The following CSMD1 variants were observed in gnomAD, a reference collection of about 807,000 sequenced individuals.
CSMD1 encodes the protein CUB and Sushi multiple domains 1, also known as CUB and sushi domain-containing protein 1.
A neutral mutation model predicts 417.5 loss-of-function variants in CSMD1; 213 were observed. The ratio of observed to expected loss-of-function variants is 0.51; its 90% CI spans 0.46 to 0.57. CSMD1 has a LOEUF of 0.57. Ranked by LOEUF, CSMD1 falls within the 20% of genes least tolerant of loss-of-function variation. The pLI is 0.00. For synonymous variants in CSMD1, 2,862 were observed against 1,736.8 expected (o/e 1.65, Z -16.11); for missense variants, 6,923 against 4,529.7 (o/e 1.53, Z -15.17).
intron 12 of CSMD1, among the ~76,000 whole-genome samples, chr8:3,435,608 G>T (rs1814508875): frequency 6.6e-6 from 1 of 152,030 alleles, no homozygotes; most frequent in African/African-American, 2.4e-5. Flanking sequence ...CTCCAACCTA[G>T]CGACCTTGAT....
intron 12 of CSMD1, among the ~76,000 whole-genome samples, chr8:3,424,176 A>G (rs1196154589): frequency 6.6e-6 from 1 of 152,236 alleles, no homozygotes; most frequent in African/African-American, 2.4e-5. Context: ...TGATTCAATT[A>G]GAGTTTATGA....
At chr8:4,346,482 G>A (rs73660759) in intron 3 of CSMD1, among the ~76,000 whole-genome samples, 12,761 of 152,028 alleles carry the variant, frequency 0.084, 1,621 homozygotes, top group African/African-American at 0.28. Flanking sequence ...ATCCATCCCT[G>A]CTCTGATAGC....
At chr8:4,562,877 G>C (rs1175901492) in intron 2 of CSMD1, among the ~76,000 whole-genome samples, 2 of 152,058 alleles carry the variant, frequency 1.3e-5, no homozygotes, top group Non-Finnish European at 2.9e-5. Flanking sequence ...AAAAACCTTA[G>C]TAAGTAACCT....
chr8:4,921,690 G>A (rs1307734759), intron 1 of CSMD1, among the ~76,000 whole-genome samples: 1 of 152,146 alleles, frequency 6.6e-6, no homozygotes, highest in Non-Finnish European at 1.5e-5. Flanking sequence ...CGGTCTCTGT[G>A]TACAGGAATG....
At chr8:3,172,599 G>A (rs1248856920) in intron 37 of CSMD1, among the ~76,000 whole-genome samples, 1 of 152,156 alleles carries the variant, frequency 6.6e-6, no homozygotes. Flanking sequence ...CGAGACATGT[G>A]AGTGGAGTGT....
Position 3,967,081 on chromosome 8 carries a change from C to G in CSMD1, c.818+30822G>C, listed in dbSNP as rs142862395. ...TGAAATCAGACATGAGCAAGCTATT[C>G]TAACAAGGAAAGAAAGCCATGATTT... On this transcript the variant is annotated intron_variant, in intron 5 of 69. Transcript: ENST00000635120. 3.7e-3 allele frequency among the ~76,000 whole-genome samples: 556 copies of G among 152,250 alleles called. 4 individuals are homozygous for G. Among genetic ancestry groups the G allele is most frequent in the African/African-American group, 0.013 (533 of 41,542 alleles).
chr8:3,833,371 C>G (rs984669586), intron 5 of CSMD1, among the ~76,000 whole-genome samples: 1 of 152,046 alleles, frequency 6.6e-6, no homozygotes, highest in Admixed American at 6.6e-5. Flanking sequence ...CATTTCCTCA[C>G]CTCCTAAAAT....
intron 3 of CSMD1, among the ~76,000 whole-genome samples, chr8:4,250,298 G>C (rs1348599702): frequency 6.6e-6 from 1 of 152,176 alleles, no homozygotes; most frequent in Non-Finnish European, 1.5e-5. Flanking sequence ...GCTCAGCTTA[G>C]GAGTCCTGGT....
intron 1 of CSMD1, among the ~76,000 whole-genome samples, chr8:4,785,300 G>C (rs116994803): frequency 1.3e-5 from 2 of 152,316 alleles, no homozygotes; most frequent in Admixed American, 6.5e-5. Context: ...CATTGGGCAA[G>C]TTACTGGGGT....
At chr8:4,788,020 T>G in intron 1 of CSMD1, 2 of 1,589,626 alleles carry the variant, frequency 1.3e-6, no homozygotes, top group Non-Finnish European at 8.6e-7. Flanking sequence ...CTCAAAGAAG[T>G]AACTCCTGAA....
chr8:4,543,873 T>G (rs1342615318), intron 2 of CSMD1, among the ~76,000 whole-genome samples: 1 of 152,144 alleles, frequency 6.6e-6, no homozygotes, highest in Non-Finnish European at 1.5e-5. Context: ...TTGCAATTCC[T>G]TAGGGACATA....
intron 2 of CSMD1, among the ~76,000 whole-genome samples, chr8:4,631,050 C>T (rs554614650): frequency 1.3e-5 from 2 of 152,288 alleles, no homozygotes; most frequent in South Asian, 2.1e-4. Flanking sequence ...AACCAGACAT[C>T]ACTCACTAGC....
Position 4,360,072 on chromosome 8 carries a change from G to A in CSMD1, c.415+59881C>T, listed in dbSNP as rs549691434. Among the ~76,000 whole-genome samples, 4 of 152,226 alleles carry A rather than the reference G, an allele frequency of 2.6e-5. No individual in the cohort carries two copies. The South Asian group carries it at 8.3e-4, about 32-fold the overall frequency. On this transcript the variant is annotated intron_variant, in intron 3 of 69. Coordinates refer to ENST00000635120, the MANE Select transcript of CSMD1 (RefSeq NM_033225.6). ...AGTTCCTCTCGTCTCTGACCGCCTGGGATCTCGGACAAGTTACTTAACATA... is the reference window on the plus strand; with the variant it reads ...AGTTCCTCTCGTCTCTGACCGCCTGAGATCTCGGACAAGTTACTTAACATA...
intron 2 of CSMD1, among the ~76,000 whole-genome samples, chr8:4,580,957 T>C (rs998275757): frequency 1.3e-5 from 2 of 152,214 alleles, no homozygotes; most frequent in African/African-American, 4.8e-5. Context: ...GGTGAAAAGA[T>C]AGACAACGAT....
intron 3 of CSMD1, among the ~76,000 whole-genome samples, chr8:4,166,252 T>C (rs1362707151): frequency 6.6e-6 from 1 of 152,204 alleles, no homozygotes; most frequent in Non-Finnish European, 1.5e-5. Context: ...CATATCAATA[T>C]GCATTTGATA....
chr8:3,658,892 T>C (rs1454572194), intron 7 of CSMD1, among the ~76,000 whole-genome samples: 1 of 152,258 alleles, frequency 6.6e-6, no homozygotes, highest in Admixed American at 6.5e-5. Flanking sequence ...CCTTCTGTTT[T>C]GCCATTTCAA....
chr8:3,916,524 C>A (rs542384495), intron 5 of CSMD1, among the ~76,000 whole-genome samples: 1 of 152,080 alleles, frequency 6.6e-6, no homozygotes, highest in Non-Finnish European at 1.5e-5. Flanking sequence ...CTTAGGGATA[C>A]GCCTAGGTTG....
At chr8:3,816,029 G>C (rs1270637050) in intron 5 of CSMD1, among the ~76,000 whole-genome samples, 1 of 152,200 alleles carries the variant, frequency 6.6e-6, no homozygotes, top group Non-Finnish European at 1.5e-5. Flanking sequence ...TATTGTCTGT[G>C]TTATTAGGTC....
chr8:3,310,011 C>A (rs1246060397), intron 23 of CSMD1, among the ~76,000 whole-genome samples: 2 of 152,078 alleles, frequency 1.3e-5, no homozygotes, highest in South Asian at 2.1e-4. Flanking sequence ...TTAAGAGACA[C>A]CAATAATTTT....
Sources: gnomAD v4.1 joint callset for allele counts (sites outside exome capture counted in the v4.1 genomes callset) on GRCh38, gnomAD v4.1.1 for gene constraint, MANE v1.5 for transcripts, NCBI Gene and HGNC (gene_info 2026-07-23, HGNC 2026-07-21) for gene names.